The following PDS5A variants were observed in gnomAD, a reference collection of about 807,000 sequenced individuals.
PDS5A encodes the protein sister chromatid cohesion protein PDS5 homolog A.
Under a neutral mutation model 167.1 loss-of-function variants are expected in PDS5A, and 42 were observed. The ratio of observed to expected loss-of-function variants is 0.25; its 90% confidence interval spans 0.20 to 0.33. The LOEUF (loss-of-function observed/expected upper bound fraction) is 0.33. Ranked by LOEUF, PDS5A falls within the 10% of genes least tolerant of loss-of-function variation. The pLI is 1.00. For synonymous variants in PDS5A, 553 were observed against 554.6 expected (o/e 1.00, Z 0.04); for missense variants, 1,033 against 1,605.9 (o/e 0.64, Z 6.10).
intron 32 of PDS5A, among the ~76,000 whole-genome samples, chr4:39,836,615 A>ATTT (rs71645192): frequency 2.0e-4 from 21 of 106,122 alleles, no homozygotes; most frequent in African/African-American, 4.5e-4. Context: ...ATTTTTTTCT[A>ATTT]TTTTTTTTTT....
At chr4:39,849,915 A>G (rs1246513636) in intron 26 of PDS5A, among the ~76,000 whole-genome samples, 1 of 152,156 alleles carries the variant, frequency 6.6e-6, no homozygotes, top group Admixed American at 6.6e-5. Context: ...CCCTAGCTGG[A>G]TATGGTGGCT....
intron 32 of PDS5A, among the ~76,000 whole-genome samples, chr4:39,835,647 C>T (rs557882380): frequency 1.2e-3 from 181 of 152,208 alleles, no homozygotes; most frequent in African/African-American, 4.2e-3. Flanking sequence ...CTCAGTCTCG[C>T]GAGTAGCTGG....
At chr4:39,915,343 ATTTTTTTT>A (rs3070904) in intron 8 of PDS5A, among the ~76,000 whole-genome samples, 3 of 88,728 alleles carry the variant, frequency 3.4e-5, no homozygotes, top group South Asian at 4.3e-4. Context: ...AACCGGCCTG[ATTTTTTTT>A]TTTTTTTTTT....
chr4:39,944,158 AAC>A (rs1727515003), intron 2 of PDS5A, among the ~76,000 whole-genome samples: 1 of 148,348 alleles, frequency 6.7e-6, no homozygotes, highest in Non-Finnish European at 1.5e-5. Flanking sequence ...CAGCCTGGGA[AAC>A]AGAGTGAGAC....
intron 8 of PDS5A, among the ~76,000 whole-genome samples, chr4:39,916,600 G>A (rs1192194790): frequency 2.6e-5 from 4 of 152,074 alleles, no homozygotes; most frequent in East Asian, 3.9e-4. Context: ...AGGCGTGGTG[G>A]CTCACGCTTG....
intron 2 of PDS5A, among the ~76,000 whole-genome samples, chr4:39,960,200 C>T (rs1224675452): frequency 6.6e-6 from 1 of 151,820 alleles, no homozygotes; most frequent in Non-Finnish European, 1.5e-5. Context: ...ACCCAGGAGG[C>T]AAAGGTTGCA....
chr4:39,838,566 T>G (rs1005073668), intron 31 of PDS5A, among the ~76,000 whole-genome samples: 1 of 151,860 alleles, frequency 6.6e-6, no homozygotes, highest in African/African-American at 2.4e-5. Context: ...TACAAATAAT[T>G]TAAAAAATTA....
At chr4:39,869,339 C>A in intron 22 of PDS5A, 55 bp downstream of exon 22, 2 of 1,034,562 alleles carry the variant, frequency 1.9e-6, no homozygotes, top group South Asian at 1.3e-5. Context: ...AGGAAGATAA[C>A]TACAAAATGT....
chr4:39,928,822 C>CT (rs899815089), intron 2 of PDS5A, among the ~76,000 whole-genome samples: 1 of 117,510 alleles, frequency 8.5e-6, no homozygotes, highest in Non-Finnish European at 1.8e-5. Flanking sequence ...GAGACACTGT[C>CT]TTTAAAAAAA....
At position 39,883,519 on chromosome 4, in the gene PDS5A, ATTAT is replaced by A. The variant is rs1359557308; in HGVS notation, c.1887-3690_1887-3687del. On this transcript the variant is annotated intron_variant, in intron 17 of 32. Transcript: ENST00000303538. ...TTTTCAAGGTATTTAAATATTCAAA[ATTAT>A]TTAGTCAAAAACAACAGCAGAAGAT... is the stretch of plus-strand genomic sequence containing the variant. Among the ~76,000 whole-genome samples the A allele has an allele frequency of 8.5e-5, 13 of 152,060 alleles. No homozygotes were observed. In the East Asian group the frequency reaches 2.5e-3, roughly 30 times the overall value.
Position 39,877,117 on chromosome 4 carries a change from C to A in PDS5A, c.2029G>T (p.Ala677Ser). Residue 677 changes from alanine (A) to serine (S), a missense_variant, in exon 19 of 33, where the codon GCA becomes TCA. This residue lies in a region of PDS5A where 367 missense variants were observed against 686.7 expected (regional missense o/e 0.53). Transcript: ENST00000303538. ...SFTHPTSFHSAETYESLLQCL... is the reference protein window; with the variant it reads ...SFTHPTSFHSSETYESLLQCL... ...TGTAACAAGGACTCATATGTCTCTGCAGAGTGGAACGAGGTAGGATGTGTA... is the reference window on the plus strand; with the variant it reads ...TGTAACAAGGACTCATATGTCTCTGAAGAGTGGAACGAGGTAGGATGTGTA... The A allele has an allele frequency of 1.2e-6, 2 of 1,605,066 alleles. No homozygotes were observed. Among genetic ancestry groups the A allele is most frequent in the Non-Finnish European group, 1.7e-6 (2 of 1,174,050 alleles).
intron 2 of PDS5A, among the ~76,000 whole-genome samples, chr4:39,961,131 T>G (rs958455252): frequency 3.9e-5 from 6 of 152,118 alleles, no homozygotes; most frequent in Admixed American, 2.6e-4. Flanking sequence ...ATCTGTTGTC[T>G]TCAGCAAATA....
chr4:39,877,270 C>G, intron 18 of PDS5A, 117 bp from the exon 19 acceptor site: 4 of 579,312 alleles, frequency 6.9e-6, no homozygotes, highest in Non-Finnish European at 1.2e-5. Context: ...GCTAGCTACA[C>G]AGAATAGAGA....
rs144275704 is a variant in PDS5A at position 39,959,514 on chromosome 4, C to A, written c.138+16926G>T. The stretch of plus-strand genomic sequence containing the variant: ...TACAGGTGCACACCACCACACCCAG[C>A]TAATTTTTTGTATTTTTAGTACCAT... On this transcript the variant is annotated intron_variant, in intron 2 of 32. Coordinates refer to ENST00000303538, the MANE Select transcript of PDS5A (RefSeq NM_001100399.2). Among the ~76,000 whole-genome samples the A allele has an allele frequency of 6.6e-5, 10 of 152,144 alleles. No homozygotes were observed. In the East Asian group the frequency reaches 1.7e-3, roughly 27 times the overall value.
intron 32 of PDS5A, among the ~76,000 whole-genome samples, chr4:39,836,839 C>T (rs1387479693): frequency 6.9e-6 from 1 of 145,380 alleles, no homozygotes; most frequent in African/African-American, 2.5e-5. Flanking sequence ...GACACAGTCT[C>T]CTTCTGTCAC....
At chr4:39,949,931 AG>A (rs1192435972) in intron 2 of PDS5A, among the ~76,000 whole-genome samples, 5 of 151,194 alleles carry the variant, frequency 3.3e-5, no homozygotes, top group Non-Finnish European at 7.4e-5. Flanking sequence ...TTTGAGACAG[AG>A]TTTGCTCTTG....
intron 2 of PDS5A, among the ~76,000 whole-genome samples, chr4:39,958,422 G>A (rs941932496): frequency 2.7e-5 from 4 of 149,722 alleles, no homozygotes; most frequent in Non-Finnish European, 4.4e-5. Flanking sequence ...CAGGAGAATC[G>A]CTTGAAATCA....
intron 2 of PDS5A, among the ~76,000 whole-genome samples, chr4:39,944,038 C>T (rs1427992222): frequency 6.6e-6 from 1 of 150,772 alleles, no homozygotes; most frequent in African/African-American, 2.4e-5. Flanking sequence ...ATTAGCGGGG[C>T]GTGGTGGCGG....
intron 2 of PDS5A, among the ~76,000 whole-genome samples, chr4:39,969,441 T>C (rs1187395488): frequency 6.6e-6 from 1 of 152,102 alleles, no homozygotes; most frequent in Non-Finnish European, 1.5e-5. Context: ...TCGAGGTGGG[T>C]GGATTACCTG....
Sources: allele counts gnomAD v4.1 joint callset (sites outside exome capture counted in the v4.1 genomes callset), GRCh38; gene constraint gnomAD v4.1.1; regional missense constraint gnomAD v4.1.1; transcripts MANE v1.5; gene names NCBI Gene and HGNC (gene_info 2026-07-23, HGNC 2026-07-21).